Variants in ARHGAP6 observed in about 807,000 individuals in gnomAD.
The protein encoded by ARHGAP6 is Rho GTPase activating protein 6.
In ARHGAP6, 16 loss-of-function variants were observed where a neutral mutation model predicts 55.7. The ratio of observed to expected loss-of-function variants is 0.29; its 90% CI spans 0.19 to 0.44. The LOEUF is 0.44. ARHGAP6 is among the 20% of genes least tolerant of loss of function. The probability of loss-of-function intolerance (pLI) is 1.00; values close to 1 mark genes in which losing one functional copy is unlikely to be tolerated. For synonymous variants in ARHGAP6, 382 were observed against 360.9 expected (o/e 1.06, Z -0.66); for missense variants, 698 against 808.9 (o/e 0.86, Z 1.66).
chrX:11,341,490 C>T (rs1410077999), intron 1 of ARHGAP6, among the ~76,000 whole-genome samples: 1 of 112,336 alleles, frequency 8.9e-6, no homozygotes, highest in East Asian at 2.8e-4. Context: ...GATAAAATGT[C>T]AGCATTTATT....
At chrX:11,562,732 C>T (rs1483981810) in intron 1 of ARHGAP6, among the ~76,000 whole-genome samples, 4 of 111,439 alleles carry the variant, frequency 3.6e-5, no homozygotes, top group African/African-American at 1.3e-4. Flanking sequence ...TAAACCTCCT[C>T]TTTGCCACTC....
At chrX:11,208,211 T>G (rs1253767660) in intron 2 of ARHGAP6, among the ~76,000 whole-genome samples, 1 of 111,320 alleles carries the variant, frequency 9.0e-6, no homozygotes, top group East Asian at 2.8e-4. Flanking sequence ...TCAGCTGTGA[T>G]TCAGACTGTG....
chrX:11,368,974 G>C (rs2049114094), intron 1 of ARHGAP6, among the ~76,000 whole-genome samples: 1 of 111,641 alleles, frequency 9.0e-6, no homozygotes, highest in Non-Finnish European at 1.9e-5. Context: ...AGTTTGCTTA[G>C]TGCAGTTCCA....
intron 1 of ARHGAP6, among the ~76,000 whole-genome samples, chrX:11,424,557 T>C (rs976644718): frequency 4.5e-5 from 5 of 111,780 alleles, no homozygotes; most frequent in African/African-American, 1.6e-4. Context: ...ATCTCTCCAA[T>C]ATGCCAACTG....
At chrX:11,204,435 G>A (rs1426708910) in intron 2 of ARHGAP6, among the ~76,000 whole-genome samples, 3 of 111,637 alleles carry the variant, frequency 2.7e-5, no homozygotes, top group Non-Finnish European at 5.7e-5. Context: ...AGACTGAGAC[G>A]ATAACATAAT....
In ARHGAP6 at chrX:11,448,641, T is replaced by C. The variant is rs768179999; in HGVS notation, c.589-193934A>G. 2.7e-5 allele frequency among the ~76,000 whole-genome samples: 3 copies of C among 111,459 alleles called. No individual in the cohort carries two copies. The Admixed American group carries it at 2.9e-4, about 11-fold the overall frequency. On this transcript the variant is annotated intron_variant, in intron 1 of 12. Coordinates refer to ENST00000337414, the MANE Select transcript of ARHGAP6 (RefSeq NM_013427.3). ...CCATCCCTTAAAATATGCTGCTGTA[T>C]AGTTGTGATATAATTGGTCTGGGGG...
At chrX:11,275,351 C>G (rs758861749) in intron 1 of ARHGAP6, among the ~76,000 whole-genome samples, 8 of 111,699 alleles carry the variant, frequency 7.2e-5, no homozygotes, top group Non-Finnish European at 1.5e-4. Context: ...AAAATACACA[C>G]AATAAAATTA....
chrX:11,471,301 T>C (rs970864580), intron 1 of ARHGAP6, among the ~76,000 whole-genome samples: 1 of 111,755 alleles, frequency 8.9e-6, no homozygotes, highest in Non-Finnish European at 1.9e-5. Flanking sequence ...ACTTGAAAGT[T>C]AAAAATAAAA....
intron 1 of ARHGAP6, among the ~76,000 whole-genome samples, chrX:11,362,650 TATAATAATA>T (rs111272294): frequency 0.046 from 4,941 of 108,136 alleles, 132 homozygotes; most frequent in African/African-American, 0.097. Flanking sequence ...AAACTTAAAG[TATAATAATA>T]ATAATAATAA....
chrX:11,403,111 T>C (rs1267825526), intron 1 of ARHGAP6, among the ~76,000 whole-genome samples: 1 of 112,080 alleles, frequency 8.9e-6, no homozygotes, highest in Non-Finnish European at 1.9e-5. Context: ...TGAATTTTAC[T>C]ACGAAATGTG....
intron 1 of ARHGAP6, among the ~76,000 whole-genome samples, chrX:11,387,693 T>A (rs912981804): frequency 2.7e-5 from 3 of 111,185 alleles, no homozygotes; most frequent in Non-Finnish European, 3.8e-5. Context: ...CCTAATGCTA[T>A]CCCTCCCCGC....
At chrX:11,640,020 G>A (rs1254927274) in intron 1 of ARHGAP6, among the ~76,000 whole-genome samples, 1 of 111,714 alleles carries the variant, frequency 9.0e-6, no homozygotes, top group Non-Finnish European at 1.9e-5. Context: ...AAAAGTACAT[G>A]TTTAGATGAC....
intron 1 of ARHGAP6, among the ~76,000 whole-genome samples, chrX:11,653,971 C>T (rs1048482146): frequency 9.0e-6 from 1 of 111,563 alleles, no homozygotes; most frequent in Non-Finnish European, 1.9e-5. Context: ...TTGTCACCAT[C>T]ATCATCATCC....
At chrX:11,500,615 G>A (rs911170752) in intron 1 of ARHGAP6, among the ~76,000 whole-genome samples, 33 of 97,933 alleles carry the variant, frequency 3.4e-4, no homozygotes, top group African/African-American at 1.3e-3. Context: ...TAGCCGAGCC[G>A]AGATGGCACC....
Position 11,186,236 on chromosome X carries a change from C to T in ARHGAP6, c.1273G>A (p.Gly425Ser), listed in dbSNP as rs994661742. ...ACTTTAGACAGACAAGTCTACTTAC[C>T]ATGTTTTTCTAGGTGCTGACAGCAG... The part of the protein sequence containing the change: ...DSCCQHLEKH[G>S]LQTVGIFRVG... Residue 425 changes from glycine to serine, a missense_variant and splice_region_variant, in exon 5 of 13, where the codon GGC becomes AGC. By Grantham distance (56) the Gly-to-Ser change is moderately conservative. Transcript: ENST00000337414. 8.3e-7 allele frequency: 1 copy of T among 1,206,543 alleles called. No homozygotes were observed. The highest frequency in any genetic ancestry group is 3.0e-5 in the East Asian group (1 of 33,806).
chrX:11,420,709 G>A (rs375465904), intron 1 of ARHGAP6, among the ~76,000 whole-genome samples: 4 of 111,240 alleles, frequency 3.6e-5, no homozygotes, highest in East Asian at 2.8e-4. Context: ...AGAGCAGGCC[G>A]GTCTGTGTCA....
chrX:11,437,105 G>C (rs1399794402), intron 1 of ARHGAP6, among the ~76,000 whole-genome samples: 1 of 110,985 alleles, frequency 9.0e-6, no homozygotes, highest in East Asian at 2.8e-4. Flanking sequence ...GAAAGGGAAA[G>C]AGGAAGGAAG....
intron 1 of ARHGAP6, among the ~76,000 whole-genome samples, chrX:11,359,036 T>C (rs1037970289): frequency 2.6e-4 from 29 of 112,346 alleles, no homozygotes; most frequent in African/African-American, 8.7e-4. Context: ...GAATTCTGTA[T>C]GTAAAAAAAT....
At chrX:11,413,654 G>A (rs2049714631) in intron 1 of ARHGAP6, among the ~76,000 whole-genome samples, 1 of 112,171 alleles carries the variant, frequency 8.9e-6, no homozygotes, top group African/African-American at 3.2e-5. Context: ...ACATCCACAA[G>A]AAGAACTAGC....
Sources: allele counts gnomAD v4.1 joint callset (sites outside exome capture counted in the v4.1 genomes callset), GRCh38; gene constraint gnomAD v4.1.1; transcripts MANE v1.5; gene names NCBI Gene and HGNC (gene_info 2026-07-23, HGNC 2026-07-21).